The following TNS1 variants were observed in gnomAD, a reference collection of about 807,000 sequenced individuals.
TNS1 encodes the protein tensin 1, also known as tensin-1.
Under a neutral mutation model 168.6 loss-of-function variants are expected in TNS1, and 62 were observed. The observed-to-expected ratio is 0.37, with a 90% confidence interval of 0.30 to 0.45. The LOEUF (loss-of-function observed/expected upper bound fraction) is 0.45, where lower values mean the gene tolerates loss of function less well. Among genes scored for constraint, TNS1 ranks in the 20% least tolerant of loss-of-function variants. The pLI, the probability that TNS1 is intolerant of heterozygous loss-of-function variation, is 1.00. For synonymous variants in TNS1, 934 were observed against 933.2 expected (o/e 1.00, Z -0.02); for missense variants, 2,240 against 2,339.4 (o/e 0.96, Z 0.88).
rs1323550333 is a variant in TNS1 at position 217,810,011 on chromosome 2, G to A, written c.5105-20C>T. ...TGCAGGCTGGAAGAAACCAACCCAA[G>A]GGGGAGTCATGGGAGCTGGCGTGGG... On this transcript the variant is annotated intron_variant, in intron 29 of 32. Coordinates refer to ENST00000682258, the MANE Select transcript of TNS1 (RefSeq NM_001387777.1). The A allele has an allele frequency of 1.2e-6, 2 of 1,605,570 alleles. No individual in the cohort carries two copies. The highest frequency in any genetic ancestry group is 2.2e-5 in the East Asian group (1 of 44,706).
intron 18 of TNS1, among the ~76,000 whole-genome samples, chr2:217,868,840 A>C (rs909095170): frequency 3.3e-5 from 5 of 152,206 alleles, no homozygotes; most frequent in Admixed American, 6.5e-5. Flanking sequence ...ATCACCTCCC[A>C]AGGACGTGGG....
At chr2:217,869,393 C>T (rs1338772325) in intron 18 of TNS1, among the ~76,000 whole-genome samples, 1 of 152,240 alleles carries the variant, frequency 6.6e-6, no homozygotes, top group Non-Finnish European at 1.5e-5. Context: ...AGCAAGGAAT[C>T]ATTTGGAATA....
At chr2:218,028,137 C>G (rs2106014835) in intron 1 of TNS1, among the ~76,000 whole-genome samples, 1 of 152,336 alleles carries the variant, frequency 6.6e-6, no homozygotes, top group Middle Eastern at 3.4e-3. Flanking sequence ...TTCTCATGCT[C>G]TTCAAACCTC....
intron 15 of TNS1, among the ~76,000 whole-genome samples, 192 bp downstream of exon 15, chr2:217,885,552 C>G (rs969904379): frequency 1.3e-5 from 2 of 152,220 alleles, no homozygotes; most frequent in Non-Finnish European, 2.9e-5. Flanking sequence ...TCCAGAACAA[C>G]AGCTAAGCCC....
At position 217,809,828 on chromosome 2, in the gene TNS1, C is replaced by G. The variant is rs1441290367; in HGVS notation, c.5268G>C (p.Gln1756His). Residue 1756 changes from glutamine to histidine, a missense_variant, in exon 30 of 33, where the codon CAG becomes CAC. Coordinates refer to ENST00000682258, the MANE Select transcript of TNS1 (RefSeq NM_001387777.1). ...SAQGITLTDNQRKLFFRRHYP... is the reference protein window; with the variant it reads ...SAQGITLTDNHRKLFFRRHYP... ...AGCAGGCAGGGGAGTCTTACTTTCT[C>G]TGGTTGTCAGTCAGAGTGATTCCCT... The G allele has an allele frequency of 6.2e-7, 1 of 1,612,908 alleles. No individual in the cohort carries two copies. Among genetic ancestry groups the G allele is most frequent in the South Asian group, 1.1e-5 (1 of 90,964 alleles).
chr2:217,804,565 G>A lies in TNS1; in HGVS notation c.5414C>T (p.Thr1805Met), dbSNP rs61740054. Residue 1805 changes from threonine to methionine, a missense_variant, in exon 33 of 33, where the codon ACG becomes ATG. Physicochemically the swap from Thr to Met is moderately conservative, Grantham distance 81. Transcript: ENST00000682258. ...GFVARKQGST[T>M]DNACHLFAEL... ...AGCAAAGAGGTGGCAGGCGTTGTCC[G>A]TGGTGCTGCCCTGCTTCCGGGCCAC... 5,769 of 1,614,146 alleles carry A rather than the reference G, an allele frequency of 3.6e-3. 14 individuals carry two copies. The highest frequency in any genetic ancestry group is 4.4e-3 in the Non-Finnish European group (5,137 of 1,179,982).
intron 18 of TNS1, among the ~76,000 whole-genome samples, chr2:217,851,161 C>T (rs1288619204): frequency 6.6e-6 from 1 of 151,230 alleles, no homozygotes; most frequent in Non-Finnish European, 1.5e-5. Context: ...TTAGAATAAA[C>T]ACATAACAGG....
rs756335612 is a variant in TNS1 at position 217,891,025 on chromosome 2, C to T, written c.803G>A (p.Arg268Gln). Residue 268 changes from arginine (R) to glutamine (Q), a missense_variant, in exon 12 of 33, where the codon CGG becomes CAG. By Grantham distance (43) the Arg-to-Gln change is conservative. Around this residue, in one of 2 missense-constraint regions of TNS1, gnomAD observed 2,131 missense variants for 2,171.2 expected, o/e 0.98. Transcript: ENST00000682258. ...ISASADQALD[R>Q]FAMKRFYEDK... ...CTCATAGAACCGCTTCATTGCAAAC[C>T]GGTCCAGAGCCTGGTCCGCACTGCA... 5.0e-6 allele frequency: 8 copies of T among 1,614,200 alleles called. No homozygotes were observed. Among genetic ancestry groups the T allele is most frequent in the South Asian group, 2.2e-5 (2 of 91,078 alleles).
chr2:217,870,653 C>T (rs1006883437), intron 18 of TNS1, among the ~76,000 whole-genome samples: 2 of 152,156 alleles, frequency 1.3e-5, no homozygotes, highest in Admixed American at 6.5e-5. Flanking sequence ...CCCAGAGCTC[C>T]GGCTGGCTCT....
chr2:217,993,198 A>C (rs1459308429), intron 1 of TNS1, among the ~76,000 whole-genome samples: 1 of 152,192 alleles, frequency 6.6e-6, no homozygotes, highest in East Asian at 1.9e-4. Flanking sequence ...CACAATGACA[A>C]AATCCCCCAA....
chr2:217,999,271 A>G (rs372161539), intron 1 of TNS1, among the ~76,000 whole-genome samples: 2 of 152,332 alleles, frequency 1.3e-5, no homozygotes, highest in South Asian at 2.1e-4. Flanking sequence ...AAAATGTGCC[A>G]TCCTACAAGA....
intron 1 of TNS1, among the ~76,000 whole-genome samples, chr2:218,016,593 C>A (rs1958762950): frequency 1.3e-5 from 2 of 152,168 alleles, no homozygotes; most frequent in Admixed American, 1.3e-4. Context: ...TCAGTCCATG[C>A]CCTGCAGATA....
intron 20 of TNS1, among the ~76,000 whole-genome samples, chr2:217,835,485 C>T (rs1426633263): frequency 2.0e-5 from 3 of 152,138 alleles, no homozygotes; most frequent in African/African-American, 7.2e-5. Context: ...TTCCTGGGTC[C>T]CATCCAGATC....
intron 6 of TNS1, 117 bp from the exon 7 acceptor site, chr2:217,900,629 C>T: frequency 8.7e-7 from 1 of 1,150,770 alleles, no homozygotes; most frequent in Non-Finnish European, 1.2e-6. Context: ...TGCCAACATT[C>T]TGGCCCTGCC....
intron 18 of TNS1, among the ~76,000 whole-genome samples, chr2:217,877,423 C>G (rs1389965727): frequency 6.6e-6 from 1 of 152,348 alleles, no homozygotes; most frequent in East Asian, 1.9e-4. Flanking sequence ...GATTGCTAAC[C>G]TCTGCCTACT....
At position 217,837,151 on chromosome 2, in the gene TNS1, C is replaced by T. The variant is rs1024433110; in HGVS notation, c.3008-940G>A. Among the ~76,000 whole-genome samples the T allele has an allele frequency of 3.9e-5, 6 of 152,254 alleles. No individual in the cohort carries two copies. In the East Asian group the frequency reaches 9.7e-4, roughly 25 times the overall value. On this transcript the variant is annotated intron_variant, in intron 19 of 32. Coordinates refer to ENST00000682258, the MANE Select transcript of TNS1 (RefSeq NM_001387777.1). ...GACTCTCTTCTGGGAAGAGATTCCC[C>T]GCCCTGCTTTCACCACCACTAGGAC...
intron 4 of TNS1, among the ~76,000 whole-genome samples, chr2:217,909,979 A>C (rs1257717365): frequency 1.3e-5 from 2 of 152,068 alleles, no homozygotes; most frequent in South Asian, 4.2e-4. Flanking sequence ...AGCTCTCAAT[A>C]CTTGTCAGCT....
chr2:217,908,820 C>G (rs988440300), intron 4 of TNS1, among the ~76,000 whole-genome samples: 6 of 152,078 alleles, frequency 3.9e-5, no homozygotes, highest in African/African-American at 1.4e-4. Flanking sequence ...GTTGGGGGGA[C>G]AGGGGCCAAC....
intron 12 of TNS1, among the ~76,000 whole-genome samples, chr2:217,888,290 T>G (rs1574960835): frequency 6.6e-6 from 1 of 152,292 alleles, no homozygotes; most frequent in East Asian, 1.9e-4. Flanking sequence ...TCTCTTTCCC[T>G]GCCCTCCTCT....
Sources: gnomAD v4.1 joint callset for allele counts (sites outside exome capture counted in the v4.1 genomes callset) on GRCh38, gnomAD v4.1.1 for gene constraint, gnomAD v4.1.1 regional missense constraint, MANE v1.5 for transcripts, NCBI Gene and HGNC (gene_info 2026-07-23, HGNC 2026-07-21) for gene names.